TRPV4: variants seen among roughly 807,000 people sequenced by gnomAD.
The protein encoded by TRPV4 is OSM9-like transient receptor potential channel 4.
In TRPV4, 58 loss-of-function variants were observed where a neutral mutation model predicts 84.1. That is an observed-to-expected ratio of 0.69 (90% CI 0.56 to 0.86). TRPV4 has a LOEUF of 0.86. TRPV4 is among the 40% of genes least tolerant of loss of function. The pLI is 0.00. For missense variants in TRPV4, 879 were observed against 1,181.1 expected (o/e 0.74, Z 3.75); for synonymous variants, 489 against 500.9 (o/e 0.98, Z 0.32).
Position 109,788,597 on chromosome 12 carries a change from G to C in TRPV4, c.2011C>G (p.Leu671Val). 1.2e-6 allele frequency: 2 copies of C among 1,614,270 alleles called. No homozygotes were observed. The highest frequency in any genetic ancestry group is 1.7e-6 in the Non-Finnish European group (2 of 1,180,054). ...RDSETFSTFLLDLFKLTIGMG... is the reference protein window; with the variant it reads ...RDSETFSTFLVDLFKLTIGMG... Reference sequence around the variant, plus strand: ...CCGATGGTCAGCTTAAACAGGTCCAGGAGGAAGGTGCTGAAGGTCTCGCTG... The same window carrying C: ...CCGATGGTCAGCTTAAACAGGTCCACGAGGAAGGTGCTGAAGGTCTCGCTG... The change falls in exon 13 of 16, where the codon CTG (leucine) becomes GTG (valine). Residue 671 changes from leucine (L) to valine (V), a missense_variant. This residue lies in a region of TRPV4 where 242 missense variants were observed against 355.3 expected (regional missense o/e 0.68). Coordinates refer to ENST00000261740, the MANE Select transcript of TRPV4 (RefSeq NM_021625.5).
In TRPV4 at chr12:109,786,945, AT is replaced by A. The variant is rs1889726832; in HGVS notation, c.2209-109del. On this transcript the variant is annotated intron_variant, in intron 13 of 15. Transcript: ENST00000261740. This position sits in a 1 kb window ranked among gnomAD's most constrained non-coding sequence, Gnocchi z 4.5. ...GGCCAGGGTGGGCCCAGAACTAGGCATTTAGACTCCTACTCCCCACTAGACA... is the reference window on the plus strand; with the variant it reads ...GGCCAGGGTGGGCCCAGAACTAGGCATTAGACTCCTACTCCCCACTAGACA... 1.4e-5 allele frequency: 21 copies of A among 1,484,026 alleles called. No individual in the cohort carries two copies. The highest frequency in any genetic ancestry group is 1.8e-5 in the Admixed American group (1 of 54,754). 91.9% of individuals were successfully genotyped at this position (1,484,026 alleles called of 1,614,324 possible). A position where few individuals can be genotyped will look rare whatever the true frequency, so the allele number is the denominator to read the frequency against.
intron 1 of TRPV4, among the ~76,000 whole-genome samples, chr12:109,823,805 A>T (rs1459542913): frequency 1.3e-5 from 2 of 152,168 alleles, no homozygotes; most frequent in African/African-American, 4.8e-5. Context: ...TGAGTATGTG[A>T]ATTACATCTA....
intron 1 of TRPV4, among the ~76,000 whole-genome samples, chr12:109,828,829 C>T (rs1892337293): frequency 6.6e-6 from 1 of 152,112 alleles, no homozygotes; most frequent in Non-Finnish European, 1.5e-5. Context: ...GTCTCGATTT[C>T]CTCAGCTGTA....
At chr12:109,784,911 A>G (rs1466480766) in intron 14 of TRPV4, among the ~76,000 whole-genome samples, 2 of 149,608 alleles carry the variant, frequency 1.3e-5, no homozygotes, top group Admixed American at 6.7e-5. Flanking sequence ...AAAATTTGCC[A>G]TCTTAATCAT....
At chr12:109,827,466 C>T (rs1443178927) in intron 1 of TRPV4, among the ~76,000 whole-genome samples, 1 of 152,060 alleles carries the variant, frequency 6.6e-6, no homozygotes, top group Admixed American at 6.6e-5. Context: ...GTGAGCCAGA[C>T]CCATGGGTCA....
At chr12:109,813,269 T>C (rs1017326847) in intron 2 of TRPV4, among the ~76,000 whole-genome samples, 2 of 151,978 alleles carry the variant, frequency 1.3e-5, no homozygotes, top group African/African-American at 4.8e-5. Context: ...AAAAATTAGC[T>C]GGGTGTGGTG....
intron 7 of TRPV4, among the ~76,000 whole-genome samples, chr12:109,794,874 C>T (rs975359988): frequency 1.1e-4 from 16 of 152,038 alleles, no homozygotes; most frequent in African/African-American, 3.4e-4. Context: ...AACAATTAGC[C>T]GGGCGTGGTG....
chr12:109,805,660 CTA>C (rs1891073094), intron 3 of TRPV4, among the ~76,000 whole-genome samples: 1 of 152,208 alleles, frequency 6.6e-6, no homozygotes, highest in African/African-American at 2.4e-5. Flanking sequence ...GGGACGTAGA[CTA>C]GGTCGAGGAC....
Position 109,814,270 on chromosome 12 carries a change from T to C in TRPV4, c.386+141A>G, listed in dbSNP as rs1171483445. 8 of 953,658 alleles carry C rather than the reference T, an allele frequency of 8.4e-6. No individual in the cohort carries two copies. In the East Asian group the frequency reaches 2.1e-4, roughly 25 times the overall value. 59.1% of individuals were successfully genotyped at this position (953,658 alleles called of 1,614,324 possible). A position where few individuals can be genotyped will look rare whatever the true frequency, so the allele number is the denominator to read the frequency against. Reference sequence around the variant, plus strand: ...ATAGGGAGATGAATAGATGGATGGATAGATGTATGGATGGTTGGATGGACA... The same window carrying C: ...ATAGGGAGATGAATAGATGGATGGACAGATGTATGGATGGTTGGATGGACA... On this transcript the variant is annotated intron_variant, in intron 2 of 15. Transcript: ENST00000261740. This position sits in a 1 kb window ranked among gnomAD's most constrained non-coding sequence, Gnocchi z 5.4.
At chr12:109,831,128 C>G (rs1194832335) in intron 1 of TRPV4, among the ~76,000 whole-genome samples, 1 of 116,964 alleles carries the variant, frequency 8.5e-6, no homozygotes. Context: ...CTCACCCTTT[C>G]CAGTCACGTC....
In TRPV4 at chr12:109,798,679, C is replaced by A. The variant is rs1331970734; in HGVS notation, c.1087G>T (p.Glu363Ter). The change falls in exon 6 of 16, where the codon GAG (glutamate) becomes TAG (stop). Residue 363 changes from glutamate (E) to a stop codon, truncating the protein, a stop_gained. Transcript: ENST00000261740. LOFTEE classifies it high-confidence loss of function. This position sits in a 1 kb window ranked among gnomAD's most constrained non-coding sequence, Gnocchi z 5.0. The part of the protein sequence containing the change: ...CARLFPDSNL[E>*]AVLNNDGLSP... ...AGGCCGTCGTTGTTGAGCACGGCCT[C>A]CAGGTTGCTGTCGGGGAAGAGGCGG... is the stretch of plus-strand genomic sequence containing the variant. The A allele has an allele frequency of 2.0e-5, 33 of 1,613,668 alleles. 1 individual carries two copies. The highest frequency in any genetic ancestry group is 2.8e-5 in the Non-Finnish European group (33 of 1,180,036).
intron 3 of TRPV4, among the ~76,000 whole-genome samples, chr12:109,805,551 C>T (rs1021928333): frequency 3.9e-5 from 6 of 152,014 alleles, no homozygotes; most frequent in African/African-American, 2.4e-5. Context: ...TGAAACTCTG[C>T]GGAGGGGAGG....
chr12:109,812,088 T>C (rs1306873337), intron 2 of TRPV4, among the ~76,000 whole-genome samples: 2 of 152,090 alleles, frequency 1.3e-5, no homozygotes, highest in African/African-American at 4.8e-5. Flanking sequence ...GGGCTCAACC[T>C]CACAAAGCAG....
At chr12:109,822,168 G>C (rs1378424739) in intron 1 of TRPV4, among the ~76,000 whole-genome samples, 1 of 141,150 alleles carries the variant, frequency 7.1e-6, no homozygotes, top group Non-Finnish European at 1.5e-5. Context: ...GGGGCACAGG[G>C]AGAAGGAAAG....
chr12:109,798,970 C>G lies in TRPV4; in HGVS notation c.854-58G>C. On this transcript the variant is annotated intron_variant, in intron 5 of 15. Coordinates refer to ENST00000261740, the MANE Select transcript of TRPV4 (RefSeq NM_021625.5). This position sits in a 1 kb window ranked among gnomAD's most constrained non-coding sequence, Gnocchi z 5.0. ...GAAGGGGGCCCAGGGTGGGACTCTG[C>G]CTGCAGACACTCGGGGGACGGACAC... is the stretch of plus-strand genomic sequence containing the variant. 1 of 1,521,806 alleles carries G rather than the reference C, an allele frequency of 6.6e-7. No homozygotes were observed. The highest frequency in any genetic ancestry group is 8.9e-7 in the Non-Finnish European group (1 of 1,117,398). The allele number at this position is 1,521,806 out of a possible 1,614,324, so 94.3% of individuals were successfully genotyped here.
At chr12:109,800,411 C>CCAAG (rs3072604) in intron 5 of TRPV4, among the ~76,000 whole-genome samples, 1 of 151,672 alleles carries the variant, frequency 6.6e-6, no homozygotes, top group African/African-American at 2.4e-5. Context: ...GTCCATGGTA[C>CCAAG]TCCCCATGGC....
Position 109,814,747 on chromosome 12 carries a change from T to C in TRPV4, c.50A>G (p.Glu17Gly), listed in dbSNP as rs989621170. 16 of 1,581,116 alleles carry C rather than the reference T, an allele frequency of 1.0e-5. No individual in the cohort carries two copies. The East Asian group carries it at 2.1e-4, about 21-fold the overall frequency. The change falls in exon 2 of 16, where the codon GAG becomes GGG. Residue 17 changes from glutamate to glycine, a missense_variant. Glu to Gly is a moderately conservative substitution (Grantham distance 98). Transcript: ENST00000261740. This position sits in a 1 kb window ranked among gnomAD's most constrained non-coding sequence, Gnocchi z 5.4. The part of the protein sequence containing the change: ...GPRAGPGEVA[E>G]LPGDESGTPG... The stretch of plus-strand genomic sequence containing the variant: ...GGTGCCACTCTCATCCCCGGGGAGC[T>C]CAGCCACCTCCCCGGGCCCCGCGCG...
At position 109,814,663 on chromosome 12, in the gene TRPV4, C is replaced by A. The variant is rs1469039592; in HGVS notation, c.134G>T (p.Gly45Val). 6.2e-7 allele frequency: 1 copy of A among 1,613,130 alleles called. No individual in the cohort carries two copies. Among genetic ancestry groups the A allele is most frequent in the Non-Finnish European group, 8.5e-7 (1 of 1,179,782 alleles). ...SLANLFEGED[G>V]SLSPSPADAS... ...ATCAGCCGGTGAGGGCGAAAGGGAGCCATCCTCCCCCTCAAACAGATTGGC... is the reference window on the plus strand; with the variant it reads ...ATCAGCCGGTGAGGGCGAAAGGGAGACATCCTCCCCCTCAAACAGATTGGC... The change falls in exon 2 of 16, where the codon GGC (glycine) becomes GTC (valine). Residue 45 changes from glycine to valine, a missense_variant. Coordinates refer to ENST00000261740, the MANE Select transcript of TRPV4 (RefSeq NM_021625.5). This position sits in a 1 kb window ranked among gnomAD's most constrained non-coding sequence, Gnocchi z 5.4.
In TRPV4 at chr12:109,783,229, G is replaced by A; in HGVS notation, c.*392C>T. On this transcript the variant is annotated 3_prime_UTR_variant, in exon 16 of 16. Coordinates refer to ENST00000261740, the MANE Select transcript of TRPV4 (RefSeq NM_021625.5). This position sits in a 1 kb window ranked among gnomAD's most constrained non-coding sequence, Gnocchi z 4.6. ...CAAAAATGGTGGCGCATGCAGCTCAGGCGCAGGCTGAGGCTGGGGCTTGGC... is the reference window on the plus strand; with the variant it reads ...CAAAAATGGTGGCGCATGCAGCTCAAGCGCAGGCTGAGGCTGGGGCTTGGC... 4.7e-6 allele frequency: 1 copy of A among 212,324 alleles called. No homozygotes were observed. The highest frequency in any genetic ancestry group is 5.4e-5 in the Admixed American group (1 of 18,558). 13.2% of individuals were successfully genotyped at this position (212,324 alleles called of 1,614,324 possible). A position where few individuals can be genotyped will look rare whatever the true frequency, so the allele number is the denominator to read the frequency against.
Sources: gnomAD v4.1 joint callset for allele counts (sites outside exome capture counted in the v4.1 genomes callset) on GRCh38, gnomAD v4.1.1 for gene constraint, gnomAD v4.1.1 regional missense constraint, Gnocchi (gnomAD v3.1) non-coding constraint, MANE v1.5 for transcripts, NCBI Gene and HGNC (gene_info 2026-07-23, HGNC 2026-07-21) for gene names.